The following TENM3 variants were observed in gnomAD, a reference collection of about 807,000 sequenced individuals.
TENM3 encodes teneurin-3.
TENM3 carries 63 observed loss-of-function variants against 255.1 expected under a neutral mutation model. The ratio of observed to expected loss-of-function variants is 0.25; its 90% CI spans 0.20 to 0.30. TENM3 has a LOEUF of 0.30. Ranked by LOEUF, TENM3 falls within the 10% of genes least tolerant of loss-of-function variation. The probability of loss-of-function intolerance (pLI) is 1.00; values close to 1 mark genes in which losing one functional copy is unlikely to be tolerated. For synonymous variants in TENM3, 1,306 were observed against 1,322.3 expected (o/e 0.99, Z 0.27); for missense variants, 2,929 against 3,461.1 (o/e 0.85, Z 3.86).
At chr4:181,568,313 G>A in the TENM3 span, among the ~76,000 whole-genome samples, 5 of 151,902 alleles carry the variant, frequency 3.3e-5, no homozygotes, top group South Asian at 4.2e-4. Flanking sequence ...ACAGGCGCCC[G>A]CCACCACACC....
At chr4:182,155,642 A>T (rs1750653811) in intron 1 of TENM3, among the ~76,000 whole-genome samples, 1 of 152,170 alleles carries the variant, frequency 6.6e-6, no homozygotes, top group African/African-American at 2.4e-5. Context: ...CCTAGAAATG[A>T]GCCAGATGTA....
Position 182,674,598 on chromosome 4 carries a change from CAG to C in TENM3, c.1326+1380_1326+1381del, listed in dbSNP as rs557892575. Among the ~76,000 whole-genome samples, 5 of 152,022 alleles carry C rather than the reference CAG, an allele frequency of 3.3e-5. No individual in the cohort carries two copies. In the East Asian group the frequency reaches 9.7e-4, roughly 29 times the overall value. ...TGTTTGTTTTGTTTTTTGTTTGAGACAGGGTCTCACTCCGTCTTCCAGGCTGG... is the reference window on the plus strand; with the variant it reads ...TGTTTGTTTTGTTTTTTGTTTGAGACGGTCTCACTCCGTCTTCCAGGCTGG... On this transcript the variant is annotated intron_variant, in intron 7 of 27. Transcript: ENST00000511685.
the TENM3 span, among the ~76,000 whole-genome samples, chr4:181,489,461 TGC>T: frequency 6.6e-6 from 1 of 152,194 alleles, no homozygotes; most frequent in Non-Finnish European, 1.5e-5. Flanking sequence ...TTATAATCAA[TGC>T]GGGTTCTTTA....
At chr4:182,240,986 G>A (rs1371132919), upstream of TENM3, among the ~76,000 whole-genome samples, 5 of 152,122 alleles carry the variant, frequency 3.3e-5, no homozygotes, top group African/African-American at 4.8e-5. Context: ...TCTGAAGCCC[G>A]CTTCTCATCA....
chr4:182,643,794 C>T (rs1355103293), intron 5 of TENM3, among the ~76,000 whole-genome samples: 1 of 152,204 alleles, frequency 6.6e-6, no homozygotes, highest in Non-Finnish European at 1.5e-5. Flanking sequence ...AAGTGTACCA[C>T]AGTGAATGTG....
chr4:182,369,221 C>T (rs1766630059), intron 3 of TENM3, among the ~76,000 whole-genome samples: 1 of 152,164 alleles, frequency 6.6e-6, no homozygotes, highest in South Asian at 2.1e-4. Flanking sequence ...GGACTTTACT[C>T]AACACTTATT....
At chr4:181,817,192 T>G in the TENM3 span, among the ~76,000 whole-genome samples, 1 of 152,226 alleles carries the variant, frequency 6.6e-6, no homozygotes, top group Non-Finnish European at 1.5e-5. Flanking sequence ...AAATTGAATA[T>G]TGAGCACCTT....
the TENM3 span, among the ~76,000 whole-genome samples, chr4:182,098,602 C>G: frequency 6.6e-6 from 1 of 152,114 alleles, no homozygotes; most frequent in Non-Finnish European, 1.5e-5. Flanking sequence ...CATGTTCTCA[C>G]TCATATGTGG....
chr4:181,839,229 A>G, the TENM3 span, among the ~76,000 whole-genome samples: 1 of 148,996 alleles, frequency 6.7e-6, no homozygotes, highest in Non-Finnish European at 1.5e-5. Context: ...TTTTAAATCT[A>G]TAGAAAAGAA....
the TENM3 span, among the ~76,000 whole-genome samples, chr4:181,696,943 G>A: frequency 7.2e-5 from 11 of 152,142 alleles, no homozygotes; most frequent in Non-Finnish European, 1.3e-4. Flanking sequence ...AGCCTGAAAC[G>A]AAGAAGAAGG....
intron 3 of TENM3, among the ~76,000 whole-genome samples, chr4:182,372,921 G>A (rs561494487): frequency 1.3e-5 from 2 of 151,966 alleles, no homozygotes; most frequent in Non-Finnish European, 2.9e-5. Flanking sequence ...ATTTTTTTGG[G>A]TAGAGATGAG....
the TENM3 span, among the ~76,000 whole-genome samples, chr4:181,914,710 AAGG>A: frequency 6.6e-6 from 1 of 152,196 alleles, no homozygotes; most frequent in Admixed American, 6.5e-5. Flanking sequence ...GAGAGAGGGA[AAGG>A]AGGAGATAAT....
chr4:181,569,564 T>G, the TENM3 span, among the ~76,000 whole-genome samples: 1 of 152,338 alleles, frequency 6.6e-6, no homozygotes, highest in African/African-American at 2.4e-5. Flanking sequence ...TGCTAGAATT[T>G]ACCTGGGTTC....
the TENM3 span, among the ~76,000 whole-genome samples, chr4:181,757,197 A>G: frequency 6.6e-6 from 1 of 152,192 alleles, no homozygotes; most frequent in East Asian, 1.9e-4. Flanking sequence ...TTTTTATTAG[A>G]AGCCACAATA....
At chr4:181,610,118 C>T in the TENM3 span, among the ~76,000 whole-genome samples, 1 of 152,152 alleles carries the variant, frequency 6.6e-6, no homozygotes, top group East Asian at 1.9e-4. Context: ...AAAAGAAAAC[C>T]TCTATTTCGC....
the TENM3 span, among the ~76,000 whole-genome samples, chr4:182,136,983 C>T: frequency 2.2e-4 from 33 of 152,108 alleles, no homozygotes; most frequent in African/African-American, 8.0e-4. Context: ...CATCCCCCCC[C>T]ACCCAATACA....
the TENM3 span, among the ~76,000 whole-genome samples, chr4:181,543,311 T>C: frequency 6.6e-6 from 1 of 151,514 alleles, no homozygotes; most frequent in Non-Finnish European, 1.5e-5. Flanking sequence ...GCTCTTAGAA[T>C]ACACAAAGGA....
chr4:182,449,217 G>GCTC (rs1181233859), intron 3 of TENM3: 1 of 18,190 alleles, frequency 5.5e-5, no homozygotes, highest in Non-Finnish European at 9.2e-5. Flanking sequence ...GGTGGCGGCG[G>GCTC]CGGCGGCGGC....
At chr4:181,856,464 C>T in the TENM3 span, among the ~76,000 whole-genome samples, 2 of 152,206 alleles carry the variant, frequency 1.3e-5, no homozygotes, top group African/African-American at 4.8e-5. Context: ...CCTGCACCTA[C>T]TCTCTCCAAT....
Sources: gnomAD v4.1 joint callset for allele counts (sites outside exome capture counted in the v4.1 genomes callset) on GRCh38, gnomAD v4.1.1 for gene constraint, MANE v1.5 for transcripts, NCBI Gene and HGNC (gene_info 2026-07-23, HGNC 2026-07-21) for gene names.